The following EVC variants were observed in gnomAD, a reference collection of about 807,000 sequenced individuals.
EVC encodes the protein evC complex member EVC.
A neutral mutation model predicts 118.9 loss-of-function variants in EVC; 116 were observed. The ratio of observed to expected loss-of-function variants is 0.98; its 90% CI spans 0.84 to 1.14. EVC has a LOEUF of 1.14. Among genes scored for constraint, EVC ranks in the 50% most tolerant of loss-of-function variants. EVC has a pLI of 0.00. For synonymous variants in EVC, 619 were observed against 534.7 expected, an observed-to-expected ratio of 1.16 and a Z score of -2.18; for missense variants, 1,401 against 1,246.4, an observed-to-expected ratio of 1.12 and a Z score of -1.87.
chr4:5,739,721 A>T (rs1240628323), intron 5 of EVC, among the ~76,000 whole-genome samples: 6 of 152,168 alleles, frequency 3.9e-5, no homozygotes, highest in Non-Finnish European at 7.3e-5. Context: ...GCCAAAAAAA[A>T]TTTGCTGTTT....
intron 11 of EVC, among the ~76,000 whole-genome samples, chr4:5,776,906 A>T (rs368973816): frequency 6.6e-6 from 1 of 152,130 alleles, no homozygotes; most frequent in Non-Finnish European, 1.5e-5. Context: ...TCCTTGCTTA[A>T]AGGTTTAAGA....
the EVC span, chr4:5,824,556 T>C: frequency 1.0e-6 from 1 of 980,150 alleles, no homozygotes; most frequent in Non-Finnish European, 1.2e-6. Flanking sequence ...GACCAGGAAT[T>C]AGCAAACGGG....
chr4:5,734,074 C>G (rs1241748060), intron 5 of EVC, among the ~76,000 whole-genome samples: 2 of 152,192 alleles, frequency 1.3e-5, no homozygotes, highest in African/African-American at 4.8e-5. Flanking sequence ...CACCTGGCCT[C>G]TGATTGAATC....
At chr4:5,776,336 T>C (rs1734716138) in intron 11 of EVC, among the ~76,000 whole-genome samples, 1 of 152,134 alleles carries the variant, frequency 6.6e-6, no homozygotes, top group African/African-American at 2.4e-5. Context: ...GCTATTCATG[T>C]AGCAAAAAGT....
chr4:5,822,862 A>G, the EVC span, among the ~76,000 whole-genome samples: 800 of 152,354 alleles, frequency 5.3e-3, 6 homozygotes, highest in African/African-American at 0.018. Context: ...CTGCAACCAC[A>G]GCATTATCAG....
intron 5 of EVC, among the ~76,000 whole-genome samples, chr4:5,741,289 A>G (rs1339666338): frequency 2.6e-5 from 4 of 152,246 alleles, no homozygotes; most frequent in African/African-American, 9.6e-5. Flanking sequence ...GGACATCTCC[A>G]TCCATTGAAA....
At chr4:5,825,670 G>A in the EVC span, 1 of 1,612,346 alleles carries the variant, frequency 6.2e-7, no homozygotes, top group Non-Finnish European at 8.5e-7. The surrounding 1 kb of genome is among the most constrained non-coding windows in gnomAD (Gnocchi z 4.4). Context: ...CTAAACAGAG[G>A]AAGGGAGAGT....
intron 3 of EVC, among the ~76,000 whole-genome samples, chr4:5,730,488 G>A (rs1465672759): frequency 1.3e-5 from 2 of 152,090 alleles, no homozygotes; most frequent in East Asian, 3.9e-4. Flanking sequence ...GGGACGGGTG[G>A]GTGGATGAAG....
chr4:5,781,542 T>C (rs1735597491), intron 11 of EVC, among the ~76,000 whole-genome samples: 1 of 152,038 alleles, frequency 6.6e-6, no homozygotes, highest in Non-Finnish European at 1.5e-5. Flanking sequence ...GGAGTGGCTT[T>C]AAAAAGCTTC....
intron 5 of EVC, among the ~76,000 whole-genome samples, chr4:5,734,563 G>C (rs1727367177): frequency 6.6e-6 from 1 of 152,150 alleles, no homozygotes; most frequent in Non-Finnish European, 1.5e-5. Flanking sequence ...AGGCTGAGGT[G>C]AGAGGAACAC....
At chr4:5,786,602 G>C (rs759826103) in intron 12 of EVC, among the ~76,000 whole-genome samples, 1 of 152,084 alleles carries the variant, frequency 6.6e-6, no homozygotes, top group African/African-American at 2.4e-5. Flanking sequence ...AGCCGGGTGC[G>C]GTGGCTCACG....
chr4:5,816,161 G>A (rs769476546), downstream of EVC, among the ~76,000 whole-genome samples: 14 of 152,096 alleles, frequency 9.2e-5, no homozygotes, highest in South Asian at 4.2e-4. Context: ...CTGGGCTCCC[G>A]CTGATGGACT....
At chr4:5,827,181 C>T in the EVC span, among the ~76,000 whole-genome samples, 5 of 152,206 alleles carry the variant, frequency 3.3e-5, no homozygotes, top group African/African-American at 7.2e-5. Context: ...TCTGCCCTCA[C>T]GGAAGCTGAC....
chr4:5,720,092 C>G (rs557086996), intron 2 of EVC, among the ~76,000 whole-genome samples: 3 of 152,288 alleles, frequency 2.0e-5, no homozygotes, highest in Non-Finnish European at 4.4e-5. Context: ...CACAGAACAT[C>G]GCTTTCTGGG....
At chr4:5,728,085 A>T (rs980953550) in intron 2 of EVC, among the ~76,000 whole-genome samples, 1 of 152,072 alleles carries the variant, frequency 6.6e-6, no homozygotes, top group Non-Finnish European at 1.5e-5. Flanking sequence ...TGAACTTTAA[A>T]GTGGTTTTTT....
chr4:5,801,671 CA>C (rs35554149), intron 15 of EVC: 14,539 of 243,292 alleles, frequency 0.06, 1 homozygote, highest in Middle Eastern at 0.079. Context: ...GTCTCCATCT[CA>C]AAAAAAAAAA....
At chr4:5,744,890 C>T (rs1429066116) in intron 6 of EVC, among the ~76,000 whole-genome samples, 1 of 151,990 alleles carries the variant, frequency 6.6e-6, no homozygotes, top group Admixed American at 6.5e-5. Context: ...CTTCCCAACC[C>T]ACTGGATGTC....
chr4:5,767,275 A>G lies in EVC; in HGVS notation c.1563+10913A>G, dbSNP rs1014855175. 3.9e-4 allele frequency among the ~76,000 whole-genome samples: 59 copies of G among 150,986 alleles called. 2 individuals are homozygous for G. Among genetic ancestry groups the G allele is most frequent in the African/African-American group, 1.1e-3 (44 of 41,210 alleles). On this transcript the variant is annotated intron_variant, in intron 11 of 20. Coordinates refer to ENST00000264956, the MANE Select transcript of EVC (RefSeq NM_153717.3). The stretch of plus-strand genomic sequence containing the variant: ...TGCCTGTTCTCAGATCTCCAGCTGC[A>G]TGCTGGGAGAACCACTGCTCTCTTC...
chr4:5,717,300 C>G (rs1439306496), intron 1 of EVC, among the ~76,000 whole-genome samples: 1 of 152,114 alleles, frequency 6.6e-6, no homozygotes. Flanking sequence ...AATACCTTCT[C>G]TGATCTCTCT....
Sources: gnomAD v4.1 joint callset for allele counts (sites outside exome capture counted in the v4.1 genomes callset) on GRCh38, gnomAD v4.1.1 for gene constraint, Gnocchi (gnomAD v3.1) non-coding constraint, MANE v1.5 for transcripts, NCBI Gene and HGNC (gene_info 2026-07-23, HGNC 2026-07-21) for gene names.